Variants in SAV1 observed in about 807,000 individuals in gnomAD.
SAV1 encodes protein salvador homolog 1.
In SAV1, 23 loss-of-function variants were observed where a neutral mutation model predicts 47.3. That is an observed-to-expected ratio of 0.49 (90% CI 0.35 to 0.69). The LOEUF (loss-of-function observed/expected upper bound fraction) is 0.69. SAV1 is among the 30% of genes least tolerant of loss of function. SAV1 has a pLI of 0.01. For synonymous variants in SAV1, 155 were observed against 159.2 expected, an observed-to-expected ratio of 0.97 and a Z score of 0.20; for missense variants, 448 against 457.4, an observed-to-expected ratio of 0.98 and a Z score of 0.19.
At chr14:50,659,865 G>C (rs2039844007) in intron 2 of SAV1, among the ~76,000 whole-genome samples, 1 of 152,140 alleles carries the variant, frequency 6.6e-6, no homozygotes, top group South Asian at 2.1e-4. Flanking sequence ...TAGAAGAGAA[G>C]AACAAGAAAA....
chr14:50,637,282 G>A (rs2039642083), intron 4 of SAV1, among the ~76,000 whole-genome samples: 1 of 152,152 alleles, frequency 6.6e-6, no homozygotes, highest in Non-Finnish European at 1.5e-5. Flanking sequence ...ATAAATTAGA[G>A]TGATACTGTA....
At chr14:50,658,728 CCTCCTACAAACTTACTTT>C (rs2140261963) in intron 2 of SAV1, among the ~76,000 whole-genome samples, 1 of 152,314 alleles carries the variant, frequency 6.6e-6, no homozygotes, top group East Asian at 1.9e-4. Context: ...CCTATCCTAT[CCTCCTACAAACTTACTTT>C]CTCCTTTCTA....
intron 2 of SAV1, among the ~76,000 whole-genome samples, chr14:50,657,732 A>C (rs1474928233): frequency 6.6e-6 from 1 of 152,206 alleles, no homozygotes; most frequent in Non-Finnish European, 1.5e-5. Context: ...AATCCTCAAA[A>C]CAGCTTCTAT....
intron 1 of SAV1, chr14:50,667,535 T>A: frequency 2.1e-6 from 1 of 487,204 alleles, no homozygotes; most frequent in Non-Finnish European, 4.0e-6. Context: ...TCTAATTACT[T>A]TTACTCCTAT....
intron 2 of SAV1, among the ~76,000 whole-genome samples, chr14:50,655,663 T>C (rs916860006): frequency 1.3e-5 from 2 of 151,484 alleles, no homozygotes; most frequent in African/African-American, 4.8e-5. Flanking sequence ...TGACCTTAGG[T>C]GATCCATCTG....
chr14:50,653,371 T>G (rs558677108), intron 2 of SAV1, among the ~76,000 whole-genome samples: 13 of 152,196 alleles, frequency 8.5e-5, no homozygotes, highest in Non-Finnish European at 1.3e-4. Flanking sequence ...TTCTTTCCTA[T>G]ATGAACAGCA....
At chr14:50,644,679 T>C in intron 3 of SAV1, 65 bp downstream of exon 3, 2 of 1,411,906 alleles carry the variant, frequency 1.4e-6, no homozygotes, top group Non-Finnish European at 1.9e-6. Flanking sequence ...GATGAAAATA[T>C]CAGTTCAAAA....
chr14:50,662,056 A>G (rs1359745478), intron 2 of SAV1, among the ~76,000 whole-genome samples: 2 of 152,228 alleles, frequency 1.3e-5, no homozygotes, highest in Non-Finnish European at 2.9e-5. Context: ...TTTGAGCAAC[A>G]TGGTCATTTT....
Position 50,640,754 on chromosome 14 carries a change from C to A in SAV1, c.946G>T (p.Val316Leu). The change falls in exon 4 of 5, where the codon GTG becomes TTG. Residue 316 changes from valine to leucine, a missense_variant. Val to Leu is a conservative substitution (Grantham distance 32, BLOSUM62 1). Coordinates refer to ENST00000324679, the MANE Select transcript of SAV1 (RefSeq NM_021818.4). Reference sequence around the variant, plus strand: ...TTGTGTTGTAAATGTACTTACTTCACAGGGGCTCGTGCGTAAACCTGAAGC... The same window carrying A: ...TTGTGTTGTAAATGTACTTACTTCAAAGGGGCTCGTGCGTAAACCTGAAGC... ...DWLQVYARAP[V>L]KYDHILKWEL... The A allele has an allele frequency of 6.2e-7, 1 of 1,612,274 alleles. No homozygotes were observed. Among genetic ancestry groups the A allele is most frequent in the Non-Finnish European group, 8.5e-7 (1 of 1,178,984 alleles).
Position 50,668,005 on chromosome 14 carries a change from C to A in SAV1, c.-38G>T. ...GGCCCGAGGCCGCGCTGAACTGCCT[C>A]CCTAGGGCTCCGCGCCGGGCGCCGG... On this transcript the variant is annotated 5_prime_UTR_variant, in exon 1 of 5. Coordinates refer to ENST00000324679, the MANE Select transcript of SAV1 (RefSeq NM_021818.4). 1 of 1,486,692 alleles carries A rather than the reference C, an allele frequency of 6.7e-7. No individual in the cohort carries two copies. Among genetic ancestry groups the A allele is most frequent in the Non-Finnish European group, 9.0e-7 (1 of 1,108,878 alleles). 92.1% of individuals were successfully genotyped at this position (1,486,692 alleles called of 1,614,324 possible).
At chr14:50,661,545 C>T (rs1377635553) in intron 2 of SAV1, among the ~76,000 whole-genome samples, 1 of 152,138 alleles carries the variant, frequency 6.6e-6, no homozygotes, top group Non-Finnish European at 1.5e-5. Context: ...GTTTCCCCTA[C>T]ATTTTCTTCT....
chr14:50,651,434 TTC>T (rs1430330250), intron 2 of SAV1, among the ~76,000 whole-genome samples: 6 of 152,186 alleles, frequency 3.9e-5, no homozygotes, highest in Non-Finnish European at 7.3e-5. Context: ...TCTAAATGCA[TTC>T]TGTTTTATCA....
intron 3 of SAV1, among the ~76,000 whole-genome samples, chr14:50,641,392 A>T (rs1300840417): frequency 2.9e-5 from 1 of 34,208 alleles, no homozygotes; most frequent in Non-Finnish European, 6.5e-5. Flanking sequence ...CACAGAGATT[A>T]AAAAAAAAAA....
At position 50,653,994 on chromosome 14, in the gene SAV1, A is replaced by T. The variant is rs558334632; in HGVS notation, c.536-8980T>A. 3.3e-5 allele frequency among the ~76,000 whole-genome samples: 5 copies of T among 152,330 alleles called. No individual in the cohort carries two copies. The East Asian group carries it at 9.6e-4, about 29-fold the overall frequency. On this transcript the variant is annotated intron_variant, in intron 2 of 4. Transcript: ENST00000324679. ...TATTGCTACAAAAATGCTAATGATT[A>T]TCTGAGCCTTTAGTGAGTTCACAGC...
chr14:50,653,395 T>TA (rs1329181655), intron 2 of SAV1, among the ~76,000 whole-genome samples: 1 of 152,188 alleles, frequency 6.6e-6, no homozygotes, highest in African/African-American at 2.4e-5. Flanking sequence ...AAATAATTGA[T>TA]AAAGTCCTTA....
At chr14:50,635,521 G>C (rs2039626560) in intron 4 of SAV1, 137 bp from the exon 5 acceptor site, 2 of 753,220 alleles carry the variant, frequency 2.7e-6, no homozygotes, top group Admixed American at 5.7e-5. Context: ...AAAAATAACT[G>C]GGCACAGTGG....
At chr14:50,641,553 A>G (rs1057258246) in intron 3 of SAV1, among the ~76,000 whole-genome samples, 1 of 152,338 alleles carries the variant, frequency 6.6e-6, no homozygotes, top group African/African-American at 2.4e-5. Context: ...AGGGGTCTGC[A>G]CCTTCAAACA....
In SAV1 at chr14:50,668,250, G is replaced by A. The variant is rs575037101; in HGVS notation, c.-283C>T. On this transcript the variant is annotated 5_prime_UTR_variant, in exon 1 of 5. Transcript: ENST00000324679. Reference sequence around the variant, plus strand: ...GACGCCGTGAGGAAAGCCCAGCGACGCCGGGCCAGGGCCAGGGCCATGGTC... The same window carrying A: ...GACGCCGTGAGGAAAGCCCAGCGACACCGGGCCAGGGCCAGGGCCATGGTC... The A allele has an allele frequency of 3.3e-5, 4 of 119,512 alleles. No homozygotes were observed. The highest frequency in any genetic ancestry group is 3.2e-4 in the South Asian group (1 of 3,152). The allele number at this position is 119,512 out of a possible 1,614,324, so 7.4% of individuals were successfully genotyped here. A position where few individuals can be genotyped will look rare whatever the true frequency, so the allele number is the denominator to read the frequency against.
At chr14:50,646,685 C>CAAAA (rs78772724) in intron 2 of SAV1, among the ~76,000 whole-genome samples, 9 of 76,254 alleles carry the variant, frequency 1.2e-4, no homozygotes, top group African/African-American at 2.3e-4. Flanking sequence ...AACTCTGTCT[C>CAAAA]AAAAAAAAAA....
Sources: gnomAD v4.1 joint callset for allele counts (sites outside exome capture counted in the v4.1 genomes callset) on GRCh38, gnomAD v4.1.1 for gene constraint, MANE v1.5 for transcripts, NCBI Gene and HGNC (gene_info 2026-07-23, HGNC 2026-07-21) for gene names.